ETF1: variants seen among roughly 807,000 people sequenced by gnomAD.
ETF1 encodes the protein eukaryotic peptide chain release factor subunit 1.
Under a neutral mutation model 55.1 loss-of-function variants are expected in ETF1, and 4 were observed. The observed-to-expected ratio is 0.07, with a 90% CI of 0.04 to 0.17. The LOEUF (loss-of-function observed/expected upper bound fraction) is 0.17. ETF1 is among the 10% of genes least tolerant of loss of function. The probability of loss-of-function intolerance (pLI) is 1.00; values close to 1 mark genes in which losing one functional copy is unlikely to be tolerated. For synonymous variants in ETF1, 157 were observed against 182.3 expected, an observed-to-expected ratio of 0.86 and a Z score of 1.12; for missense variants, 142 against 523.6, an observed-to-expected ratio of 0.27 and a Z score of 7.11.
intron 2 of ETF1, among the ~76,000 whole-genome samples, chr5:138,524,166 G>C (rs1302804313): frequency 6.6e-6 from 1 of 151,046 alleles, no homozygotes; most frequent in East Asian, 2.0e-4. Context: ...ACTCCAGCTT[G>C]GGTGACAGAG....
rs780863216 is a variant in ETF1, at chr5:138,511,607, AAC to A, written c.733-5_733-4del. 3.1e-5 allele frequency: 49 copies of A among 1,598,106 alleles called. No homozygotes were observed. The highest frequency in any genetic ancestry group is 3.2e-5 in the Non-Finnish European group (37 of 1,173,132). On this transcript the variant is annotated splice_polypyrimidine_tract_variant and splice_region_variant and intron_variant, in intron 6 of 10. Transcript: ENST00000360541. ...TTTAAAACTTTTGATTGTAACCTCT[AAC>A]ACACAAAAAAAATATTATTAGTACT... is the stretch of plus-strand genomic sequence containing the variant.
chr5:138,511,139 T>G lies in ETF1; in HGVS notation c.924A>C (p.Thr308=), dbSNP rs140702406. 9 of 1,614,008 alleles carry G rather than the reference T, an allele frequency of 5.6e-6. No individual in the cohort carries two copies. Among genetic ancestry groups the G allele is most frequent in the Admixed American group, 1.7e-5 (1 of 60,006 alleles). Residue 308 remains threonine (T), a synonymous_variant, in exon 8 of 11, where the codon ACA becomes ACC. Transcript: ENST00000360541. ...TGKYCFGVED[T]LKALEMGAVE... ...CAGCTCCCATTTCCAAAGCCTTTAG[T>G]GTATCTTCAACGCCAAAACAGTACT...
intron 2 of ETF1, among the ~76,000 whole-genome samples, chr5:138,535,943 CTG>C (rs1173169606): frequency 2.1e-5 from 3 of 140,622 alleles, no homozygotes; most frequent in Non-Finnish European, 4.6e-5. Context: ...TCAACATGTA[CTG>C]TGTTATTCTG....
At chr5:138,517,221 A>G (rs1178873859) in intron 4 of ETF1, among the ~76,000 whole-genome samples, 1 of 152,018 alleles carries the variant, frequency 6.6e-6, no homozygotes, top group African/African-American at 2.4e-5. Flanking sequence ...ATACAAAAAA[A>G]TTAGCTGGGT....
At chr5:138,508,602 G>A in intron 10 of ETF1, 67 bp downstream of exon 10, 1 of 1,598,986 alleles carries the variant, frequency 6.3e-7, no homozygotes, top group Non-Finnish European at 8.5e-7. Context: ...GCAGGGCTAG[G>A]GCTAGCCAGG....
chr5:138,519,934 T>C lies in ETF1; in HGVS notation c.87-1067A>G, dbSNP rs1025936141. Among the ~76,000 whole-genome samples, 41 of 150,526 alleles carry C rather than the reference T, an allele frequency of 2.7e-4. 1 individual carries two copies. The highest frequency in any genetic ancestry group is 7.4e-5 in the Non-Finnish European group (5 of 67,702). ...TGATTTGGATTTCTCTGATTAATGA[T>C]GTTGAGCATTTTTTTCATATGTTTA... On this transcript the variant is annotated intron_variant, in intron 2 of 10. Transcript: ENST00000360541.
At chr5:138,524,128 G>A (rs1478992175) in intron 2 of ETF1, among the ~76,000 whole-genome samples, 3 of 151,574 alleles carry the variant, frequency 2.0e-5, no homozygotes, top group Admixed American at 6.6e-5. Context: ...AGAGGTTGCG[G>A]TGCAGTGAGC....
At chr5:138,533,768 C>T (rs570209839) in intron 2 of ETF1, among the ~76,000 whole-genome samples, 52 of 152,306 alleles carry the variant, frequency 3.4e-4, no homozygotes, top group African/African-American at 1.3e-3. Context: ...TAACTGTCCC[C>T]ATCTTTCACT....
chr5:138,536,358 C>T lies in ETF1; in HGVS notation c.86+6475G>A, dbSNP rs144145321. On this transcript the variant is annotated intron_variant, in intron 2 of 10. Coordinates refer to ENST00000360541, the MANE Select transcript of ETF1 (RefSeq NM_004730.4). ...ACCTGAAAATGTCAAGTCCTCTGAACCTGAAAGGATTGTGAGAAGAGTAAA... is the reference window on the plus strand; with the variant it reads ...ACCTGAAAATGTCAAGTCCTCTGAATCTGAAAGGATTGTGAGAAGAGTAAA... 3.0e-3 allele frequency among the ~76,000 whole-genome samples: 463 copies of T among 152,228 alleles called. 6 individuals are homozygous for T. Among genetic ancestry groups the T allele is most frequent in the Middle Eastern group, 0.014 (4 of 294 alleles).
intron 8 of ETF1, 101 bp from the exon 9 acceptor site, chr5:138,510,730 C>A: frequency 6.8e-7 from 1 of 1,466,102 alleles, no homozygotes; most frequent in Non-Finnish European, 9.2e-7. Flanking sequence ...CTCAGGGACT[C>A]AATCTCTCAA....
At chr5:138,530,835 G>C (rs1410921486) in intron 2 of ETF1, among the ~76,000 whole-genome samples, 1 of 152,212 alleles carries the variant, frequency 6.6e-6, no homozygotes, top group African/African-American at 2.4e-5. Context: ...AAAGAATTGG[G>C]ATTACAGGTG....
rs149667880 is a variant in ETF1, at chr5:138,517,859, C to T, written c.263-159G>A. 6.2e-3 allele frequency: 6,151 copies of T among 984,810 alleles called. 24 individuals are homozygous for T. Among genetic ancestry groups the T allele is most frequent in the Middle Eastern group, 7.8e-3 (15 of 1,912 alleles). The allele number at this position is 984,810 out of a possible 1,614,324, so 61.0% of individuals were successfully genotyped here. A position where few individuals can be genotyped will look rare whatever the true frequency, so the allele number is the denominator to read the frequency against. On this transcript the variant is annotated intron_variant, in intron 3 of 10. Transcript: ENST00000360541. Reference sequence around the variant, plus strand: ...GAAATCTCTCAGGCAGAACTCTCTCCCTAATTTTAAAACTTCTTCTGAGAC... The same window carrying T: ...GAAATCTCTCAGGCAGAACTCTCTCTCTAATTTTAAAACTTCTTCTGAGAC...
At chr5:138,533,192 C>T (rs889723386) in intron 2 of ETF1, among the ~76,000 whole-genome samples, 2 of 151,928 alleles carry the variant, frequency 1.3e-5, no homozygotes, top group African/African-American at 4.8e-5. Flanking sequence ...CCTCAGCCTC[C>T]CAAAGTGCTG....
intron 2 of ETF1, among the ~76,000 whole-genome samples, chr5:138,525,937 T>A (rs1370787750): frequency 2.1e-5 from 2 of 93,562 alleles, no homozygotes; most frequent in Non-Finnish European, 4.3e-5. Flanking sequence ...AGAGTGAGAC[T>A]CTGTTTAAAA....
intron 2 of ETF1, among the ~76,000 whole-genome samples, chr5:138,536,279 G>A (rs528828561): frequency 3.9e-5 from 6 of 152,282 alleles, no homozygotes; most frequent in African/African-American, 1.4e-4. Flanking sequence ...GTGAAAACAA[G>A]AGTACAAACT....
chr5:138,532,391 G>C (rs572454316), intron 2 of ETF1, among the ~76,000 whole-genome samples: 3 of 152,308 alleles, frequency 2.0e-5, no homozygotes, highest in Admixed American at 2.0e-4. Flanking sequence ...CTGTGGGTCT[G>C]TTTCTACTTA....
chr5:138,509,906 A>G (rs1310347536), intron 9 of ETF1, among the ~76,000 whole-genome samples: 1 of 150,980 alleles, frequency 6.6e-6, no homozygotes, highest in African/African-American at 2.4e-5. Context: ...AAAAAAAAAA[A>G]AAAAAAAAAA....
chr5:138,518,686 G>C lies in ETF1; in HGVS notation c.262+6C>G, dbSNP rs565668583. ...AGAGAAGGAAAAGGAGCAAACTCCAGATTACCTTTGTTATAAAGTTTGAGT... is the reference window on the plus strand; with the variant it reads ...AGAGAAGGAAAAGGAGCAAACTCCACATTACCTTTGTTATAAAGTTTGAGT... On this transcript the variant is annotated splice_donor_region_variant and intron_variant, in intron 3 of 10. Coordinates refer to ENST00000360541, the MANE Select transcript of ETF1 (RefSeq NM_004730.4). 1 of 1,609,262 alleles carries C rather than the reference G, an allele frequency of 6.2e-7. No homozygotes were observed. The highest frequency in any genetic ancestry group is 1.3e-5 in the African/African-American group (1 of 74,924).
At chr5:138,522,893 C>A (rs1020192532) in intron 2 of ETF1, among the ~76,000 whole-genome samples, 1 of 152,014 alleles carries the variant, frequency 6.6e-6, no homozygotes, top group African/African-American at 2.4e-5. Flanking sequence ...GTAGTCTCAG[C>A]TATTCAGGAG....
Sources: allele counts gnomAD v4.1 joint callset (sites outside exome capture counted in the v4.1 genomes callset), GRCh38; gene constraint gnomAD v4.1.1; transcripts MANE v1.5; gene names NCBI Gene and HGNC (gene_info 2026-07-23, HGNC 2026-07-21).